AVEN: variants seen among roughly 807,000 people sequenced by gnomAD.
The protein encoded by AVEN is cell death regulator Aven.
In AVEN, 41 loss-of-function variants were observed where a neutral mutation model predicts 38.1. That is an observed-to-expected ratio of 1.08 (90% CI 0.84 to 1.40). The LOEUF is 1.40. AVEN is among the 40% of genes most tolerant of loss of function. The probability of loss-of-function intolerance (pLI) is 0.00; values close to 1 mark genes in which losing one functional copy is unlikely to be tolerated. For synonymous variants in AVEN, 206 were observed against 171.8 expected (o/e 1.20, Z -1.56); for missense variants, 605 against 438.8 (o/e 1.38, Z -3.38).
intron 1 of AVEN, chr15:34,006,973 A>C (rs1897382001): frequency 1.4e-6 from 1 of 695,934 alleles, no homozygotes; most frequent in Non-Finnish European, 1.8e-6. Flanking sequence ...GAAAACTATA[A>C]AGATAAAGGC....
At chr15:33,994,023 T>C (rs1198045611) in intron 2 of AVEN, among the ~76,000 whole-genome samples, 1 of 152,202 alleles carries the variant, frequency 6.6e-6, no homozygotes, top group Non-Finnish European at 1.5e-5. Flanking sequence ...GCTGTGAACA[T>C]TTGGGCACAC....
Position 34,063,347 on chromosome 15 carries a change from C to T in AVEN, n.1212G>A, listed in dbSNP as rs544152056. The T allele has an allele frequency of 9.9e-6, 16 of 1,614,036 alleles. No individual in the cohort carries two copies. The highest frequency in any genetic ancestry group is 1.6e-4 in the Middle Eastern group (1 of 6,084). On this transcript the variant is annotated non_coding_transcript_exon_variant, in exon 5 of 12. Transcript: ENST00000675287. The surrounding 1 kb of genome is among the most constrained non-coding windows in gnomAD (Gnocchi z 4.1). ...TCTACATCCCTGTTTCTGTCATGACCATCCTCTACTGTCGAATCTACCGGG... is the reference window on the plus strand; with the variant it reads ...TCTACATCCCTGTTTCTGTCATGACTATCCTCTACTGTCGAATCTACCGGG...
intron 2 of AVEN, among the ~76,000 whole-genome samples, chr15:33,979,018 GTTTC>G (rs1436588059): frequency 6.6e-6 from 1 of 152,026 alleles, no homozygotes; most frequent in Non-Finnish European, 1.5e-5. Flanking sequence ...AATGCTCCAG[GTTTC>G]TTTTTCATCC....
intron 1 of AVEN, among the ~76,000 whole-genome samples, chr15:34,017,982 C>T (rs2140699632): frequency 6.6e-6 from 1 of 152,260 alleles, no homozygotes. Flanking sequence ...ACTACATTAC[C>T]AGTCATATAA....
At position 34,031,268 on chromosome 15, in the gene AVEN, G is replaced by A. The variant is rs563808280; in HGVS notation, c.267+7512C>T. ...CAGCTCACTGCAACCTCCGCCTCCC[G>A]GGTTCAAGCGATTCTCCTGTCTCAG... On this transcript the variant is annotated intron_variant, in intron 1 of 5. Transcript: ENST00000306730. Among the ~76,000 whole-genome samples the A allele has an allele frequency of 1.5e-3, 209 of 135,298 alleles. 3 individuals carry two copies. The highest frequency in any genetic ancestry group is 5.4e-3 in the African/African-American group (193 of 35,972). 88.8% of individuals were successfully genotyped at this position (135,298 alleles called of 152,430 possible).
At chr15:34,073,970 TTTCTTTTTTCTTCTTC>T (rs1900682854) in intron 1 of AVEN, among the ~76,000 whole-genome samples, 1 of 131,922 alleles carries the variant, frequency 7.6e-6, no homozygotes, top group Non-Finnish European at 1.5e-5. Context: ...TTGGAGGAAC[TTTCTTTTTTCTTCTTC>T]TTCTTTTTTT....
At chr15:33,890,836 G>C (rs1284354975) in intron 2 of AVEN, among the ~76,000 whole-genome samples, 2 of 152,220 alleles carry the variant, frequency 1.3e-5, no homozygotes, top group Admixed American at 6.5e-5. Context: ...AACTGGCCAA[G>C]CATGGTGGCT....
In AVEN at chr15:33,875,920, C is replaced by T; in HGVS notation, c.516+5G>A. ...AGTCCACACTTAACACAACTCTTAT[C>T]TTACCTGTTTTGGACAAGAAGCTTC... is the stretch of plus-strand genomic sequence containing the variant. On this transcript the variant is annotated splice_donor_5th_base_variant and intron_variant, in intron 3 of 5. Coordinates refer to ENST00000306730, the MANE Select transcript of AVEN (RefSeq NM_020371.3). The T allele has an allele frequency of 1.2e-6, 2 of 1,612,850 alleles. No homozygotes were observed. The highest frequency in any genetic ancestry group is 1.1e-5 in the South Asian group (1 of 91,040).
intron 2 of AVEN, among the ~76,000 whole-genome samples, chr15:33,994,173 C>G (rs766436058): frequency 6.6e-6 from 1 of 152,188 alleles, no homozygotes; most frequent in African/African-American, 2.4e-5. Flanking sequence ...CTATTTACAG[C>G]CACTCCCTAC....
downstream of AVEN, chr15:33,854,340 A>C: frequency 2.7e-6 from 4 of 1,487,056 alleles, no homozygotes; most frequent in Non-Finnish European, 3.7e-6. Context: ...TTGAGCACTT[A>C]ACTACCTCTT....
In AVEN at chr15:33,923,172, G is replaced by T. The variant is rs558030052; in HGVS notation, c.446-47177C>A. On this transcript the variant is annotated intron_variant, in intron 2 of 5. Transcript: ENST00000306730. ...GAGAGATAAGCTTGGTAATTACCAT[G>T]CTTTTGTTCCATTTCAATGAAACAA... Among the ~76,000 whole-genome samples the T allele has an allele frequency of 6.3e-4, 96 of 152,202 alleles. 1 individual carries two copies. The highest frequency in any genetic ancestry group is 1.9e-3 in the African/African-American group (80 of 41,536).
intron 2 of AVEN, among the ~76,000 whole-genome samples, chr15:33,918,957 G>A (rs1893280608): frequency 7.3e-6 from 1 of 136,108 alleles, no homozygotes; most frequent in South Asian, 2.3e-4. Context: ...GTCTCACACT[G>A]TCCCCCAGGC....
At chr15:33,853,237 A>C in the AVEN span, 1 of 866,766 alleles carries the variant, frequency 1.2e-6, no homozygotes, top group Non-Finnish European at 1.7e-6. Context: ...GTTGGATATG[A>C]ACATATGTAG....
upstream of AVEN, among the ~76,000 whole-genome samples, chr15:34,042,340 G>A (rs1257942539): frequency 5.3e-5 from 8 of 151,210 alleles, no homozygotes; most frequent in Admixed American, 5.3e-4. Flanking sequence ...TATATAGGTA[G>A]CTCCTTAGAA....
At chr15:33,865,089 CTGTGGTTTAAAAA>C (rs1243651529), downstream of AVEN, 1 of 1,504,514 alleles carries the variant, frequency 6.6e-7, no homozygotes, top group East Asian at 2.3e-5. Context: ...TTAGCTTTTA[CTGTGGTTTAAAAA>C]TAAGCACCCG....
intron 1 of AVEN, among the ~76,000 whole-genome samples, chr15:34,012,871 T>C (rs1897693727): frequency 6.6e-6 from 1 of 152,264 alleles, no homozygotes; most frequent in Non-Finnish European, 1.5e-5. Context: ...TCTGGGGTTA[T>C]GTTTACTCTT....
At chr15:33,904,446 T>C (rs1285644787) in intron 2 of AVEN, among the ~76,000 whole-genome samples, 1 of 152,082 alleles carries the variant, frequency 6.6e-6, no homozygotes, top group East Asian at 1.9e-4. Flanking sequence ...AGTTTTGCTC[T>C]TGTCGCCCAG....
chr15:34,063,523 C>T lies in AVEN; in HGVS notation n.1127-91G>A. The T allele has an allele frequency of 6.2e-7, 1 of 1,613,700 alleles. No individual in the cohort carries two copies. The highest frequency in any genetic ancestry group is 8.5e-7 in the Non-Finnish European group (1 of 1,180,026). ...CTGGCCCAGCGGGAAAGGAACCAGG[C>T]CTCCTGGTCATCCTCCCGCAGGAGC... On this transcript the variant is annotated intron_variant and non_coding_transcript_variant, in intron 4 of 11. Transcript: ENST00000675287. This position sits in a 1 kb window ranked among gnomAD's most constrained non-coding sequence, Gnocchi z 4.1.
intron 2 of AVEN, among the ~76,000 whole-genome samples, chr15:33,929,565 C>G (rs1013956281): frequency 6.6e-6 from 1 of 152,186 alleles, no homozygotes; most frequent in Non-Finnish European, 1.5e-5. Flanking sequence ...AAGGATTCAT[C>G]GGACTTTCAA....
Sources: allele counts gnomAD v4.1 joint callset (sites outside exome capture counted in the v4.1 genomes callset), GRCh38; gene constraint gnomAD v4.1.1; non-coding constraint Gnocchi (gnomAD v3.1); transcripts MANE v1.5; gene names NCBI Gene and HGNC (gene_info 2026-07-23, HGNC 2026-07-21).